NEDD4L: variants seen among roughly 807,000 people sequenced by gnomAD.
NEDD4L encodes the protein E3 ubiquitin-protein ligase NEDD4-like.
In NEDD4L, 54 loss-of-function variants were observed where a neutral mutation model predicts 148.9. That is an observed-to-expected ratio of 0.36 (90% CI 0.29 to 0.45). NEDD4L has a LOEUF of 0.45. Ranked by LOEUF, NEDD4L falls within the 20% of genes least tolerant of loss-of-function variation. The pLI is 1.00. For missense variants in NEDD4L, 856 were observed against 1,233.8 expected (o/e 0.69, Z 4.59); for synonymous variants, 433 against 440.7 (o/e 0.98, Z 0.22).
At chr18:58,142,689 C>T (rs1440291753) in intron 1 of NEDD4L, among the ~76,000 whole-genome samples, 4 of 152,118 alleles carry the variant, frequency 2.6e-5, no homozygotes, top group African/African-American at 9.7e-5. Context: ...CAGGAGATCT[C>T]TCTATTTACC....
chr18:58,389,388 G>C, intron 28 of NEDD4L, 196 bp downstream of exon 28: 1 of 492,622 alleles, frequency 2.0e-6, no homozygotes, highest in Non-Finnish European at 3.6e-6. Flanking sequence ...GTAGCAGACA[G>C]CTAGACTTGA....
intron 13 of NEDD4L, among the ~76,000 whole-genome samples, chr18:58,338,586 C>G (rs755453136): frequency 8.5e-5 from 13 of 152,222 alleles, no homozygotes; most frequent in Non-Finnish European, 1.6e-4. Flanking sequence ...TAATTTTCCA[C>G]AAACTGATTA....
intron 2 of NEDD4L, chr18:58,221,773 C>A: frequency 1.1e-6 from 1 of 949,706 alleles, no homozygotes; most frequent in Non-Finnish European, 1.3e-6. Context: ...AACAAAGACA[C>A]CACTGTATGT....
intron 1 of NEDD4L, among the ~76,000 whole-genome samples, chr18:58,103,604 C>T (rs1303324654): frequency 6.6e-6 from 1 of 152,054 alleles, no homozygotes; most frequent in Admixed American, 6.6e-5. Context: ...AGTTCTGTGG[C>T]CTTCTTGGCT....
chr18:58,259,650 G>A (rs750667929), intron 5 of NEDD4L, among the ~76,000 whole-genome samples: 6 of 152,136 alleles, frequency 3.9e-5, no homozygotes, highest in Admixed American at 6.5e-5. Context: ...CATTACACCC[G>A]TTACTTGGAA....
Position 58,322,477 on chromosome 18 carries a change from GA to G in NEDD4L, c.402del (p.Arg134SerfsTer15). On this transcript the variant is annotated frameshift_variant, in exon 7 of 31. Transcript: ENST00000400345. LOFTEE classifies it high-confidence loss of function. ...TATACATTTAAGGACTTTCTCCTCA[GA>G]CCAAGAAGGTGAGGCTTGTGGGTAT... ...RPYTFKDFLLRPRSHKSRVKG... is the reference protein window; with the variant it reads ...RPYTFKDFLLXPRSHKSRVKG... 2 of 749,460 alleles carry G rather than the reference GA, an allele frequency of 2.7e-6. No individual in the cohort carries two copies. Among genetic ancestry groups the G allele is most frequent in the Non-Finnish European group, 4.3e-6 (2 of 460,190 alleles). 46.4% of individuals were successfully genotyped at this position (749,460 alleles called of 1,614,324 possible).
At chr18:58,374,821 C>A (rs1294988815) in intron 24 of NEDD4L, among the ~76,000 whole-genome samples, 3 of 152,116 alleles carry the variant, frequency 2.0e-5, no homozygotes, top group African/African-American at 7.2e-5. Flanking sequence ...GCCAGCTGTC[C>A]TGCACCCGCT....
At chr18:58,279,792 T>C (rs889449378) in intron 5 of NEDD4L, among the ~76,000 whole-genome samples, 4 of 152,236 alleles carry the variant, frequency 2.6e-5, no homozygotes, top group African/African-American at 9.6e-5. Context: ...AAAGGCCAGA[T>C]AGTAAATATT....
intron 1 of NEDD4L, among the ~76,000 whole-genome samples, chr18:58,142,036 C>CTTT (rs1462744620): frequency 1.1e-4 from 5 of 44,804 alleles, no homozygotes; most frequent in East Asian, 5.4e-4. Flanking sequence ...TCCAAAATTT[C>CTTT]TTTCTTTTTT....
At chr18:58,373,693 T>C (rs991400715) in intron 24 of NEDD4L, among the ~76,000 whole-genome samples, 2 of 152,252 alleles carry the variant, frequency 1.3e-5, no homozygotes, top group Non-Finnish European at 2.9e-5. Context: ...TGGCGACATT[T>C]GTCTTGTGAG....
chr18:58,186,724 G>A (rs2039521106), intron 2 of NEDD4L, among the ~76,000 whole-genome samples: 1 of 152,242 alleles, frequency 6.6e-6, no homozygotes, highest in Admixed American at 6.5e-5. Flanking sequence ...AGACTTAAGT[G>A]CCGGAGTTGG....
intron 24 of NEDD4L, among the ~76,000 whole-genome samples, chr18:58,376,108 T>C (rs2047530504): frequency 6.6e-6 from 1 of 152,128 alleles, no homozygotes; most frequent in African/African-American, 2.4e-5. Context: ...TTCAGAAAAC[T>C]ATTAAGCCAC....
At chr18:58,319,202 G>T (rs2058556429) in intron 6 of NEDD4L, among the ~76,000 whole-genome samples, 1 of 152,182 alleles carries the variant, frequency 6.6e-6, no homozygotes, top group African/African-American at 2.4e-5. Context: ...AAAAAGCCTG[G>T]GCCCAGAGAG....
At chr18:58,058,773 C>G (rs1336745621) in intron 1 of NEDD4L, among the ~76,000 whole-genome samples, 1 of 152,210 alleles carries the variant, frequency 6.6e-6, no homozygotes, top group Non-Finnish European at 1.5e-5. Flanking sequence ...CCAACTATCC[C>G]TCTTCACATC....
intron 1 of NEDD4L, among the ~76,000 whole-genome samples, chr18:58,139,596 C>T (rs1029825995): frequency 5.3e-5 from 8 of 152,066 alleles, no homozygotes; most frequent in African/African-American, 1.7e-4. Context: ...TCCCCTAACT[C>T]CAGTGTTGGT....
At chr18:58,347,172 T>C (rs923840964) in intron 16 of NEDD4L, among the ~76,000 whole-genome samples, 5 of 150,028 alleles carry the variant, frequency 3.3e-5, no homozygotes, top group African/African-American at 1.2e-4. Flanking sequence ...TCCCTGACAC[T>C]TTTCTCTAAT....
At chr18:58,049,021 C>T (rs984418679) in intron 1 of NEDD4L, among the ~76,000 whole-genome samples, 20 of 152,156 alleles carry the variant, frequency 1.3e-4, no homozygotes, top group Non-Finnish European at 4.4e-5. Context: ...AAATTGCTGT[C>T]AAGTTATGAC....
At chr18:58,103,437 T>C (rs2084891546) in intron 1 of NEDD4L, among the ~76,000 whole-genome samples, 1 of 152,098 alleles carries the variant, frequency 6.6e-6, no homozygotes, top group South Asian at 2.1e-4. Flanking sequence ...TTGCATGAAG[T>C]ACACAAGCTT....
In NEDD4L at chr18:58,397,429, A is replaced by G. The variant is rs541900911; in HGVS notation, c.*1160A>G. The G allele has an allele frequency of 2.6e-5, 4 of 152,516 alleles. No individual in the cohort carries two copies. Among genetic ancestry groups the G allele is most frequent in the South Asian group, 2.1e-4 (1 of 4,820 alleles). The allele number at this position is 152,516 out of a possible 1,614,324, so 9.4% of individuals were successfully genotyped here. ...CACACATCTTTCCGGTGCAATATCT[A>G]TCAATTGTGAATCTGGCTGCTGGTG... is the stretch of plus-strand genomic sequence containing the variant. On this transcript the variant is annotated 3_prime_UTR_variant, in exon 31 of 31. Coordinates refer to ENST00000400345, the MANE Select transcript of NEDD4L (RefSeq NM_001144967.3).
Sources: gnomAD v4.1 joint callset for allele counts (sites outside exome capture counted in the v4.1 genomes callset) on GRCh38, gnomAD v4.1.1 for gene constraint, MANE v1.5 for transcripts, NCBI Gene and HGNC (gene_info 2026-07-23, HGNC 2026-07-21) for gene names.